SEC22C: variants seen among roughly 807,000 people sequenced by gnomAD.
SEC22C encodes the protein vesicle-trafficking protein SEC22c.
In SEC22C, 29 loss-of-function variants were observed where a neutral mutation model predicts 34.7. The ratio of observed to expected loss-of-function variants is 0.84; its 90% CI spans 0.62 to 1.14. The LOEUF (loss-of-function observed/expected upper bound fraction) is 1.14, where lower values mean the gene tolerates loss of function less well. Among genes scored for constraint, SEC22C ranks in the 50% most tolerant of loss-of-function variants. The pLI is 0.00. For missense variants in SEC22C, 337 were observed against 369.0 expected, an observed-to-expected ratio of 0.91 and a Z score of 0.71; for synonymous variants, 117 against 132.8, an observed-to-expected ratio of 0.88 and a Z score of 0.82.
chr3:42,566,878 G>C (rs929802751), intron 2 of SEC22C: 18 of 331,226 alleles, frequency 5.4e-5, no homozygotes, highest in Non-Finnish European at 1.1e-4. Context: ...GTGGTGTGTA[G>C]ACTCAGCTAC....
Position 42,550,182 on chromosome 3 carries a change from C to G in SEC22C, c.*3066G>C, listed in dbSNP as rs1431617110. On this transcript the variant is annotated 3_prime_UTR_variant, in exon 7 of 7. Transcript: ENST00000264454. Reference sequence around the variant, plus strand: ...GATACAGTAGATGGGACTTAACACACTCTGATGCTCAAGGCCTTGCAGCAT... The same window carrying G: ...GATACAGTAGATGGGACTTAACACAGTCTGATGCTCAAGGCCTTGCAGCAT... 1.0e-6 allele frequency: 1 copy of G among 985,374 alleles called. No homozygotes were observed. The highest frequency in any genetic ancestry group is 1.2e-6 in the Non-Finnish European group (1 of 829,960). The allele number at this position is 985,374 out of a possible 1,614,324, so 61.0% of individuals were successfully genotyped here.
At chr3:42,565,026 G>C (rs558791070) in intron 2 of SEC22C, among the ~76,000 whole-genome samples, 2 of 152,258 alleles carry the variant, frequency 1.3e-5, no homozygotes, top group Admixed American at 1.3e-4. Flanking sequence ...CCAAAGTGCT[G>C]GGATTACAGG....
At position 42,551,042 on chromosome 3, in the gene SEC22C, T is replaced by C. The variant is rs765813455; in HGVS notation, c.*2206A>G. 1.1e-6 allele frequency: 1 copy of C among 878,856 alleles called. No homozygotes were observed. The highest frequency in any genetic ancestry group is 1.4e-6 in the Non-Finnish European group (1 of 733,058). 54.4% of individuals were successfully genotyped at this position (878,856 alleles called of 1,614,324 possible). On this transcript the variant is annotated 3_prime_UTR_variant, in exon 7 of 7. Coordinates refer to ENST00000264454, the MANE Select transcript of SEC22C (RefSeq NM_032970.4). The stretch of plus-strand genomic sequence containing the variant: ...AGCCACCGTGCCCAGCTAATTTTTG[T>C]ATTTTTAGTAGAGATGGGGTTTCAC...
At chr3:42,600,314 C>G (rs1445129514) in intron 1 of SEC22C, 2 of 152,200 alleles carry the variant, frequency 1.3e-5, no homozygotes, top group Admixed American at 6.5e-5. Context: ...TCTTGGCTAA[C>G]GAAAACTCAA....
At chr3:42,589,895 A>G (rs1324132576) in intron 1 of SEC22C, among the ~76,000 whole-genome samples, 1 of 152,106 alleles carries the variant, frequency 6.6e-6, no homozygotes, top group Admixed American at 6.5e-5. Flanking sequence ...CCAAGAAGGT[A>G]TGTCCAGCTT....
intron 2 of SEC22C, chr3:42,565,957 A>C: frequency 4.5e-6 from 2 of 449,186 alleles, no homozygotes; most frequent in South Asian, 3.2e-5. Flanking sequence ...AAATGAGTAG[A>C]ACATTTTTTA....
chr3:42,552,882 C>T lies in SEC22C; in HGVS notation c.*366G>A. 9.6e-7 allele frequency: 1 copy of T among 1,041,864 alleles called. No homozygotes were observed. The highest frequency in any genetic ancestry group is 1.2e-6 in the Non-Finnish European group (1 of 866,010). The allele number at this position is 1,041,864 out of a possible 1,614,324, so 64.5% of individuals were successfully genotyped here. On this transcript the variant is annotated 3_prime_UTR_variant, in exon 7 of 7. Transcript: ENST00000264454. The stretch of plus-strand genomic sequence containing the variant: ...TTAAAGTGGTTCCTTGGAGACAACT[C>T]TCAATGACTAAAACCAGTGTTATTG...
At chr3:42,598,180 C>T (rs1313243596) in intron 1 of SEC22C, among the ~76,000 whole-genome samples, 1 of 152,100 alleles carries the variant, frequency 6.6e-6, no homozygotes, top group Non-Finnish European at 1.5e-5. Flanking sequence ...ATCTAAATAT[C>T]CACTGACATA....
Position 42,550,128 on chromosome 3 carries a change from C to T in SEC22C, c.*3120G>A, listed in dbSNP as rs1337461948. 2 of 985,348 alleles carry T rather than the reference C, an allele frequency of 2.0e-6. No homozygotes were observed. The highest frequency in any genetic ancestry group is 2.4e-6 in the Non-Finnish European group (2 of 829,956). 61.0% of individuals were successfully genotyped at this position (985,348 alleles called of 1,614,324 possible). A position where few individuals can be genotyped will look rare whatever the true frequency, so the allele number is the denominator to read the frequency against. On this transcript the variant is annotated 3_prime_UTR_variant, in exon 7 of 7. Transcript: ENST00000264454. ...TGGCCCCGTGGTTGGGAAACCCTTC[C>T]TAAGAGCATGGAGCCACACTCTGGC...
In SEC22C at chr3:42,552,694, T is replaced by C. The variant is rs965697088; in HGVS notation, c.*554A>G. 8.3e-5 allele frequency: 81 copies of C among 980,540 alleles called. No homozygotes were observed. The African/African-American group carries it at 1.3e-3, about 15-fold the overall frequency. 60.7% of individuals were successfully genotyped at this position (980,540 alleles called of 1,614,324 possible). On this transcript the variant is annotated 3_prime_UTR_variant, in exon 7 of 7. Coordinates refer to ENST00000264454, the MANE Select transcript of SEC22C (RefSeq NM_032970.4). ...AATTTATATCCAAAATATAATTAAATATTCCAAAGGTATATCGAACCTAAG... is the reference window on the plus strand; with the variant it reads ...AATTTATATCCAAAATATAATTAAACATTCCAAAGGTATATCGAACCTAAG...
chr3:42,549,277 T>C lies in SEC22C; in HGVS notation c.*3971A>G, dbSNP rs957251181. ...CCATAAATGCTCCCACCCCTGCCTG[T>C]CCTCACTTGTGCTGCACTATGCAAG... On this transcript the variant is annotated 3_prime_UTR_variant, in exon 7 of 7. Coordinates refer to ENST00000264454, the MANE Select transcript of SEC22C (RefSeq NM_032970.4). 1 of 986,118 alleles carries C rather than the reference T, an allele frequency of 1.0e-6. No individual in the cohort carries two copies. Among genetic ancestry groups the C allele is most frequent in the Admixed American group, 6.1e-5 (1 of 16,386 alleles). The allele number at this position is 986,118 out of a possible 1,614,324, so 61.1% of individuals were successfully genotyped here. A position where few individuals can be genotyped will look rare whatever the true frequency, so the allele number is the denominator to read the frequency against.
In SEC22C at chr3:42,550,079, G is replaced by A. The variant is rs1702175061; in HGVS notation, c.*3169C>T. 1.0e-6 allele frequency: 1 copy of A among 985,462 alleles called. No homozygotes were observed. The allele number at this position is 985,462 out of a possible 1,614,324, so 61.0% of individuals were successfully genotyped here. A position where few individuals can be genotyped will look rare whatever the true frequency, so the allele number is the denominator to read the frequency against. On this transcript the variant is annotated 3_prime_UTR_variant, in exon 7 of 7. Coordinates refer to ENST00000264454, the MANE Select transcript of SEC22C (RefSeq NM_032970.4). ...ACATGTTTCGTTCATTAGCATATTA[G>A]GGAAGGGGAAACCTTTTGGGCTCTG... is the stretch of plus-strand genomic sequence containing the variant.
chr3:42,563,127 C>T (rs1703022040), intron 3 of SEC22C, among the ~76,000 whole-genome samples: 1 of 152,228 alleles, frequency 6.6e-6, no homozygotes, highest in African/African-American at 2.4e-5. Context: ...TCTGTCACAA[C>T]TCAACTCTGC....
chr3:42,588,827 G>A (rs1304922579), intron 1 of SEC22C, among the ~76,000 whole-genome samples: 6 of 152,126 alleles, frequency 3.9e-5, no homozygotes, highest in Non-Finnish European at 7.3e-5. Flanking sequence ...CCCACTCTGT[G>A]TCTCTGAAAG....
At chr3:42,570,770 CG>C (rs1343197242) in intron 1 of SEC22C, among the ~76,000 whole-genome samples, 2 of 152,168 alleles carry the variant, frequency 1.3e-5, no homozygotes, top group South Asian at 2.1e-4. Flanking sequence ...TCTATACTTT[CG>C]TAAGTATTTG....
Position 42,551,941 on chromosome 3 carries a change from G to C in SEC22C, c.*1307C>G, listed in dbSNP as rs759415627. ...CACATAATGCAGTTGAACACTCAAA[G>C]TGTTCCATGCAACTGTGGTTGAACT... is the stretch of plus-strand genomic sequence containing the variant. On this transcript the variant is annotated 3_prime_UTR_variant, in exon 7 of 7. Transcript: ENST00000264454. The C allele has an allele frequency of 7.1e-6, 7 of 985,170 alleles. No homozygotes were observed. Among genetic ancestry groups the C allele is most frequent in the Non-Finnish European group, 7.2e-6 (6 of 829,840 alleles). 61.0% of individuals were successfully genotyped at this position (985,170 alleles called of 1,614,324 possible).
chr3:42,589,227 C>T (rs1405904960), intron 1 of SEC22C, among the ~76,000 whole-genome samples: 3 of 151,944 alleles, frequency 2.0e-5, no homozygotes, highest in African/African-American at 7.3e-5. Context: ...CGAGATCACA[C>T]CACTGCACTC....
chr3:42,592,252 G>A (rs941894324), intron 1 of SEC22C, among the ~76,000 whole-genome samples: 1 of 151,364 alleles, frequency 6.6e-6, no homozygotes, highest in Non-Finnish European at 1.5e-5. Flanking sequence ...CCAGGCTGGA[G>A]TGCAGTGGTG....
chr3:42,571,416 G>C (rs775997819), intron 1 of SEC22C, among the ~76,000 whole-genome samples: 1 of 152,144 alleles, frequency 6.6e-6, no homozygotes, highest in Non-Finnish European at 1.5e-5. Context: ...ATTTGTGATG[G>C]TTTAATGAAG....
Sources: gnomAD v4.1 joint callset for allele counts (sites outside exome capture counted in the v4.1 genomes callset) on GRCh38, gnomAD v4.1.1 for gene constraint, MANE v1.5 for transcripts, NCBI Gene and HGNC (gene_info 2026-07-23, HGNC 2026-07-21) for gene names.